GFPT2: variants seen among roughly 807,000 people sequenced by gnomAD.
The protein encoded by GFPT2 is glutamine--fructose-6-phosphate transaminase 2, also known as glutamine--fructose-6-phosphate aminotransferase [isomerizing] 2.
GFPT2 carries 62 observed loss-of-function variants against 85.6 expected under a neutral mutation model. The ratio of observed to expected loss-of-function variants is 0.72; its 90% CI spans 0.59 to 0.90. The LOEUF is 0.90. GFPT2 is among the 40% of genes least tolerant of loss of function. GFPT2 has a pLI of 0.00. For synonymous variants in GFPT2, 368 were observed against 344.5 expected (o/e 1.07, Z -0.75); for missense variants, 788 against 893.4 (o/e 0.88, Z 1.50).
chr5:180,304,954 T>C lies in GFPT2; in HGVS notation c.1675-15A>G. ...TCTTTAATTTTCTGGAAACAGGAGG[T>C]GAGATCAGAGTCACACTGGGCAGAT... is the stretch of plus-strand genomic sequence containing the variant. On this transcript the variant is annotated splice_polypyrimidine_tract_variant and intron_variant, in intron 16 of 18. Coordinates refer to ENST00000253778, the MANE Select transcript of GFPT2 (RefSeq NM_005110.4). The C allele has an allele frequency of 6.3e-7, 1 of 1,592,694 alleles. No individual in the cohort carries two copies. The highest frequency in any genetic ancestry group is 8.6e-7 in the Non-Finnish European group (1 of 1,162,326).
chr5:180,353,302 CTCCGT>C lies in GFPT2; in HGVS notation c.-90_-86del. ...GCTCCTCCGTGGGCTCCTCCGTGGG[CTCCGT>C]GGGCTCCGTGGGCTCCGCGGGCTCC... On this transcript the variant is annotated 5_prime_UTR_variant, in exon 1 of 19. Coordinates refer to ENST00000253778, the MANE Select transcript of GFPT2 (RefSeq NM_005110.4). 1 of 861,332 alleles carries C rather than the reference CTCCGT, an allele frequency of 1.2e-6. No individual in the cohort carries two copies. The highest frequency in any genetic ancestry group is 1.4e-6 in the Non-Finnish European group (1 of 698,984). 53.4% of individuals were successfully genotyped at this position (861,332 alleles called of 1,614,324 possible). A position where few individuals can be genotyped will look rare whatever the true frequency, so the allele number is the denominator to read the frequency against.
chr5:180,352,727 C>A, intron 1 of GFPT2: 1 of 403,260 alleles, frequency 2.5e-6, no homozygotes, highest in Non-Finnish European at 4.9e-6. Context: ...GGGCGGGCTG[C>A]GGGGACGGCG....
In GFPT2 at chr5:180,319,990, GTTTA is replaced by G. The variant is rs562730992; in HGVS notation, c.795-1038_795-1035del. 2.0e-4 allele frequency among the ~76,000 whole-genome samples: 31 copies of G among 152,190 alleles called. No individual in the cohort carries two copies. The South Asian group carries it at 5.6e-3, about 28-fold the overall frequency. On this transcript the variant is annotated intron_variant, in intron 9 of 18. Coordinates refer to ENST00000253778, the MANE Select transcript of GFPT2 (RefSeq NM_005110.4). ...TACCAAAGAAACATAGGGTCATTGT[GTTTA>G]TTTATTTATTTATTTTGAGACAGAG...
chr5:180,302,373 C>G (rs750838451), intron 18 of GFPT2, 50 bp downstream of exon 18: 2 of 1,420,676 alleles, frequency 1.4e-6, no homozygotes, highest in Non-Finnish European at 2.0e-6. Flanking sequence ...GAAAGGAACT[C>G]TGGGGTTATG....
At chr5:180,347,414 GC>G (rs2127658440) in intron 1 of GFPT2, among the ~76,000 whole-genome samples, 1 of 152,254 alleles carries the variant, frequency 6.6e-6, no homozygotes, top group Admixed American at 6.5e-5. Flanking sequence ...CTTCCAGACA[GC>G]CTTTCAGGGC....
rs781505376 is a variant in GFPT2, at chr5:180,324,289, C to T, written c.693G>A (p.Val231=). The change falls in exon 9 of 19, where the codon GTG becomes GTA. Residue 231 remains valine (V), a synonymous_variant. Transcript: ENST00000253778. ...TCATCCGTGTCTTACAGATATTCTT[C>T]ACATTCTCCAGAGTGCCTAGCAAAT... ...ILYRTCTLEN[V]KNICKTRMKR... is the part of the protein sequence containing the mutation. 6.3e-7 allele frequency: 1 copy of T among 1,599,888 alleles called. No homozygotes were observed. The highest frequency in any genetic ancestry group is 8.6e-7 in the Non-Finnish European group (1 of 1,169,474).
rs542904247 is a variant in GFPT2, at chr5:180,303,418, C to T, written c.1843-834G>A. ...GGAAGGGCATTCCAGACAGCAGGAG[C>T]GGCCAGCGCAAAGGCCCGGAGGCGG... On this transcript the variant is annotated intron_variant, in intron 17 of 18. Coordinates refer to ENST00000253778, the MANE Select transcript of GFPT2 (RefSeq NM_005110.4). 5.9e-5 allele frequency among the ~76,000 whole-genome samples: 9 copies of T among 152,224 alleles called. No homozygotes were observed. The East Asian group carries it at 7.8e-4, about 13-fold the overall frequency.
At chr5:180,348,732 CTT>C (rs11322913) in intron 1 of GFPT2, among the ~76,000 whole-genome samples, 35 of 139,712 alleles carry the variant, frequency 2.5e-4, no homozygotes, top group Admixed American at 2.9e-4. Flanking sequence ...CATTTCTTTT[CTT>C]TTTTTTTTTT....
intron 10 of GFPT2, among the ~76,000 whole-genome samples, chr5:180,317,532 G>A (rs1190585278): frequency 3.3e-5 from 5 of 151,322 alleles, no homozygotes; most frequent in South Asian, 2.1e-4. Flanking sequence ...GGCCGAGGCG[G>A]GCGGATCACG....
At position 180,302,553 on chromosome 5, in the gene GFPT2, T is replaced by C; in HGVS notation, c.1874A>G (p.Asp625Gly). 3 of 1,614,014 alleles carry C rather than the reference T, an allele frequency of 1.9e-6. No individual in the cohort carries two copies. Among genetic ancestry groups the C allele is most frequent in the Non-Finnish European group, 2.5e-6 (3 of 1,179,916 alleles). ...GRPIILCSKD[D>G]TESSKFAYKT... ...ATACGCAAACTTGGAACTTTCAGTA[T>C]CGTCCTTGGAGCACAGTATAATGGG... is the stretch of plus-strand genomic sequence containing the variant. The change falls in exon 18 of 19, where the codon GAT (aspartate) becomes GGT (glycine). Residue 625 changes from aspartate (D) to glycine (G), a missense_variant. Asp to Gly is a moderately conservative substitution (Grantham distance 94). Transcript: ENST00000253778.
At position 180,304,939 on chromosome 5, in the gene GFPT2, T is replaced by G. The variant is rs748191781; in HGVS notation, c.1675A>C (p.Lys559Gln). The G allele has an allele frequency of 1.6e-5, 26 of 1,603,356 alleles. No individual in the cohort carries two copies. Among genetic ancestry groups the G allele is most frequent in the Non-Finnish European group, 2.1e-5 (25 of 1,171,066 alleles). The change falls in exon 17 of 19, where the codon AAA becomes CAA. Residue 559 changes from lysine to glutamine, a missense_variant and splice_region_variant. By Grantham distance (53) the Lys-to-Gln change is moderately conservative. Transcript: ENST00000253778. ...NYATCLEGAL[K>Q]IKEITYMHSE... The stretch of plus-strand genomic sequence containing the variant: ...TGCATGTAGGTTATCTCTTTAATTT[T>G]CTGGAAACAGGAGGTGAGATCAGAG...
intron 3 of GFPT2, 111 bp from the exon 4 acceptor site, chr5:180,336,064 C>A: frequency 9.5e-7 from 1 of 1,055,770 alleles, no homozygotes; most frequent in Non-Finnish European, 1.4e-6. Context: ...CCGATGGCAC[C>A]TCCCCACCAG....
Position 180,353,301 on chromosome 5 carries a change from G to GCTCCTCCGTGGGCTC in GFPT2, c.-85_-84insGAGCCCACGGAGGAG, listed in dbSNP as rs768269932. ...GGCTCCTCCGTGGGCTCCTCCGTGG[G>GCTCCTCCGTGGGCTC]CTCCGTGGGCTCCGTGGGCTCCGCG... is the stretch of plus-strand genomic sequence containing the variant. On this transcript the variant is annotated 5_prime_UTR_variant, in exon 1 of 19. Coordinates refer to ENST00000253778, the MANE Select transcript of GFPT2 (RefSeq NM_005110.4). 2 of 269,744 alleles carry GCTCCTCCGTGGGCTC rather than the reference G, an allele frequency of 7.4e-6. No homozygotes were observed. The highest frequency in any genetic ancestry group is 9.9e-6 in the Non-Finnish European group (2 of 201,716). 16.7% of individuals were successfully genotyped at this position (269,744 alleles called of 1,614,324 possible).
intron 4 of GFPT2, among the ~76,000 whole-genome samples, chr5:180,332,245 G>A (rs949008618): frequency 6.7e-6 from 1 of 148,628 alleles, no homozygotes; most frequent in East Asian, 1.9e-4. Flanking sequence ...TGGCGGGGGG[G>A]CGGGGGGAGC....
chr5:180,302,731 G>A, intron 17 of GFPT2, 147 bp from the exon 18 acceptor site: 1 of 599,430 alleles, frequency 1.7e-6, no homozygotes, highest in Non-Finnish European at 2.9e-6. Context: ...GGTATGTGTG[G>A]GACACAAATG....
Position 180,335,966 on chromosome 5 carries a change from A to T in GFPT2, c.215-13T>A. 1 of 1,557,324 alleles carries T rather than the reference A, an allele frequency of 6.4e-7. No homozygotes were observed. The highest frequency in any genetic ancestry group is 8.6e-7 in the Non-Finnish European group (1 of 1,156,954). On this transcript the variant is annotated splice_polypyrimidine_tract_variant and intron_variant, in intron 3 of 18. Transcript: ENST00000253778. Reference sequence around the variant, plus strand: ...ATGCTGTCTTGTTCTAAATGAAAGGAAAATCAGTTTGCCGCACTTGAACAA... The same window carrying T: ...ATGCTGTCTTGTTCTAAATGAAAGGTAAATCAGTTTGCCGCACTTGAACAA...
chr5:180,310,700 C>T (rs556455507), intron 15 of GFPT2, among the ~76,000 whole-genome samples: 4 of 143,356 alleles, frequency 2.8e-5, no homozygotes, highest in East Asian at 2.1e-4. Context: ...CGTGAGCCAC[C>T]GCGCCCGGCC....
At position 180,307,294 on chromosome 5, in the gene GFPT2, T is replaced by C. The variant is rs764642700; in HGVS notation, c.1556A>G (p.Lys519Arg). The C allele has an allele frequency of 1.9e-6, 3 of 1,614,040 alleles. No homozygotes were observed. The South Asian group carries it at 3.3e-5, about 18-fold the overall frequency. ...CTTCTCCTCCAGAGACAGCACTTCC[T>C]TGATCAGCTCTGGGCCATGCACGGA... is the stretch of plus-strand genomic sequence containing the variant. ...RGLRSLPELI[K>R]EVLSLEEKIH... Residue 519 changes from lysine to arginine, a missense_variant, in exon 16 of 19, where the codon AAG (lysine) becomes AGG (arginine). Physicochemically the swap from Lys to Arg is conservative, Grantham distance 26. Coordinates refer to ENST00000253778, the MANE Select transcript of GFPT2 (RefSeq NM_005110.4).
chr5:180,328,210 C>A lies in GFPT2; in HGVS notation c.596+67G>T. The A allele has an allele frequency of 8.3e-7, 1 of 1,198,050 alleles. No homozygotes were observed. Among genetic ancestry groups the A allele is most frequent in the South Asian group, 1.2e-5 (1 of 82,266 alleles). The allele number at this position is 1,198,050 out of a possible 1,614,324, so 74.2% of individuals were successfully genotyped here. On this transcript the variant is annotated intron_variant, in intron 7 of 18. Coordinates refer to ENST00000253778, the MANE Select transcript of GFPT2 (RefSeq NM_005110.4). The surrounding 1 kb of genome is among the most constrained non-coding windows in gnomAD (Gnocchi z 5.4). Reference sequence around the variant, plus strand: ...GTGCCACAGGCCCTACCTCTCCCGTCTCCCTCCAGCTAAGTGATTTTATTT... The same window carrying A: ...GTGCCACAGGCCCTACCTCTCCCGTATCCCTCCAGCTAAGTGATTTTATTT...
Sources: gnomAD v4.1 joint callset for allele counts (sites outside exome capture counted in the v4.1 genomes callset) on GRCh38, gnomAD v4.1.1 for gene constraint, Gnocchi (gnomAD v3.1) non-coding constraint, MANE v1.5 for transcripts, NCBI Gene and HGNC (gene_info 2026-07-23, HGNC 2026-07-21) for gene names.